SWT1: variants seen among roughly 807,000 people sequenced by gnomAD.
SWT1 encodes SWT1 RNA endoribonuclease homolog, also known as transcriptional protein SWT1.
Under a neutral mutation model 107.3 loss-of-function variants are expected in SWT1, and 33 were observed. That is an observed-to-expected ratio of 0.31 (90% CI 0.23 to 0.41). SWT1 has a LOEUF of 0.41. Ranked by LOEUF, SWT1 falls within the 10% of genes least tolerant of loss-of-function variation. The pLI, the probability that SWT1 is intolerant of heterozygous loss-of-function variation, is 1.00. For synonymous variants in SWT1, 345 were observed against 348.3 expected, an observed-to-expected ratio of 0.99 and a Z score of 0.11; for missense variants, 898 against 1,028.9, an observed-to-expected ratio of 0.87 and a Z score of 1.74.
intron 1 of SWT1, among the ~76,000 whole-genome samples, chr1:185,159,850 G>A (rs1454874068): frequency 1.3e-5 from 2 of 151,966 alleles, no homozygotes; most frequent in Non-Finnish European, 2.9e-5. Context: ...TCAGCCTCCT[G>A]AGTAGCTGGG....
intron 13 of SWT1, 110 bp from the exon 14 acceptor site, chr1:185,214,397 A>G: frequency 1.3e-6 from 1 of 777,796 alleles, no homozygotes; most frequent in Non-Finnish European, 2.0e-6. Context: ...GCATATAGGT[A>G]TAAATGTATA....
intron 16 of SWT1, among the ~76,000 whole-genome samples, chr1:185,239,679 TA>T: frequency 6.6e-6 from 1 of 152,180 alleles, no homozygotes; most frequent in East Asian, 1.9e-4. Flanking sequence ...ATCTAACCAC[TA>T]GATAGCCAAG....
intron 16 of SWT1, among the ~76,000 whole-genome samples, chr1:185,252,689 G>C (rs908013137): frequency 7.2e-5 from 11 of 152,132 alleles, no homozygotes; most frequent in African/African-American, 2.2e-4. Flanking sequence ...TTAGCCCTTT[G>C]TCAGATGAGT....
chr1:185,197,267 A>T (rs1657475501), intron 10 of SWT1, among the ~76,000 whole-genome samples: 1 of 152,172 alleles, frequency 6.6e-6, no homozygotes, highest in African/African-American at 2.4e-5. Flanking sequence ...GATTACATTG[A>T]TTGATTTGCA....
Position 185,174,471 on chromosome 1 carries a change from T to C in SWT1, c.324T>C (p.Asn108=). The C allele has an allele frequency of 1.9e-6, 3 of 1,610,456 alleles. No individual in the cohort carries two copies. The highest frequency in any genetic ancestry group is 2.5e-6 in the Non-Finnish European group (3 of 1,179,048). The stretch of plus-strand genomic sequence containing the variant: ...AAGAAGCATCATATTCAAATGATAA[T>C]CAAATTATTTTGCAGAGTCCTTCTT... ...KLKEASYSND[N]QIILQSPSSN... Residue 108 remains asparagine, a synonymous_variant, in exon 5 of 19, where the codon AAT becomes AAC. Transcript: ENST00000367500.
intron 9 of SWT1, among the ~76,000 whole-genome samples, chr1:185,187,832 G>A (rs144152953): frequency 0.011 from 1,740 of 152,170 alleles, 14 homozygotes; most frequent in Non-Finnish European, 0.017. Flanking sequence ...GGGATTACAG[G>A]CATGTGCCAC....
chr1:185,192,955 T>C (rs561918121), intron 10 of SWT1, among the ~76,000 whole-genome samples: 2 of 152,238 alleles, frequency 1.3e-5, no homozygotes, highest in East Asian at 3.9e-4. Flanking sequence ...GCCCAGAAAG[T>C]ACTCTCTTGC....
rs201977170 is a variant in SWT1, at chr1:185,204,912, G to A, written c.1833+49G>A. 50 of 1,123,442 alleles carry A rather than the reference G, an allele frequency of 4.5e-5. 1 individual carries two copies. The East Asian group carries it at 1.4e-3, about 30-fold the overall frequency. The allele number at this position is 1,123,442 out of a possible 1,614,324, so 69.6% of individuals were successfully genotyped here. A position where few individuals can be genotyped will look rare whatever the true frequency, so the allele number is the denominator to read the frequency against. Reference sequence around the variant, plus strand: ...TGAAAATTTCTTTTTTATTGCTGAAGATTTGTTATCTTAAGAAATATTACT... The same window carrying A: ...TGAAAATTTCTTTTTTATTGCTGAAAATTTGTTATCTTAAGAAATATTACT... On this transcript the variant is annotated intron_variant, in intron 12 of 18. Coordinates refer to ENST00000367500, the MANE Select transcript of SWT1 (RefSeq NM_017673.7).
chr1:185,185,856 T>C (rs904897804), intron 9 of SWT1, among the ~76,000 whole-genome samples: 1 of 152,198 alleles, frequency 6.6e-6, no homozygotes, highest in Non-Finnish European at 1.5e-5. Context: ...TAGTTCTTAG[T>C]ATATTCCAGA....
intron 14 of SWT1, among the ~76,000 whole-genome samples, chr1:185,220,675 T>TA (rs1659587108): frequency 1.3e-5 from 2 of 152,152 alleles, no homozygotes; most frequent in Non-Finnish European, 2.9e-5. Context: ...AACATATACC[T>TA]AAAAAACAAA....
intron 16 of SWT1, among the ~76,000 whole-genome samples, chr1:185,235,726 T>G (rs1178913070): frequency 6.6e-6 from 1 of 152,054 alleles, no homozygotes; most frequent in African/African-American, 2.4e-5. Flanking sequence ...GAGAAAGAAA[T>G]AAAGGGTATT....
At chr1:185,226,080 C>T (rs928263067) in intron 15 of SWT1, among the ~76,000 whole-genome samples, 2 of 151,930 alleles carry the variant, frequency 1.3e-5, no homozygotes, top group African/African-American at 4.8e-5. Flanking sequence ...CAGAAAGTTA[C>T]CATATATCCC....
intron 16 of SWT1, among the ~76,000 whole-genome samples, chr1:185,233,480 C>T (rs1319180038): frequency 1.3e-5 from 2 of 152,128 alleles, no homozygotes; most frequent in South Asian, 2.1e-4. Flanking sequence ...AAATGTGTCC[C>T]AGAGATTCTG....
At chr1:185,180,278 C>T (rs1022491574) in intron 5 of SWT1, 113 bp from the exon 6 acceptor site, 22 of 808,710 alleles carry the variant, frequency 2.7e-5, no homozygotes, top group African/African-American at 2.5e-4. Flanking sequence ...CTGCAATATA[C>T]AGGGCAACCC....
At chr1:185,174,317 A>C (rs1655348898) in intron 4 of SWT1, 55 bp from the exon 5 acceptor site, 3 of 1,338,962 alleles carry the variant, frequency 2.2e-6, no homozygotes, top group Admixed American at 2.8e-5. Flanking sequence ...AAAATGATAG[A>C]GTGCAACATT....
At chr1:185,177,773 A>C (rs1387962654) in intron 5 of SWT1, among the ~76,000 whole-genome samples, 3 of 152,206 alleles carry the variant, frequency 2.0e-5, no homozygotes, top group Admixed American at 2.0e-4. Flanking sequence ...TCTTTGATAT[A>C]GACCCCTCTC....
intron 18 of SWT1, among the ~76,000 whole-genome samples, chr1:185,287,934 T>G (rs1665038257): frequency 6.6e-6 from 1 of 152,128 alleles, no homozygotes; most frequent in Non-Finnish European, 1.5e-5. Flanking sequence ...GCTCATTTCT[T>G]AATTACAAGG....
At chr1:185,262,671 T>C (rs905327109) in intron 16 of SWT1, among the ~76,000 whole-genome samples, 5 of 152,158 alleles carry the variant, frequency 3.3e-5, no homozygotes, top group African/African-American at 4.8e-5. Flanking sequence ...GCTGGCAGGG[T>C]TGGTTTCCTC....
intron 16 of SWT1, among the ~76,000 whole-genome samples, chr1:185,250,921 C>T (rs1661966020): frequency 1.3e-5 from 2 of 152,162 alleles, no homozygotes. Context: ...CCTCGGCCTC[C>T]CAAAGTGCTG....
Sources: gnomAD v4.1 joint callset for allele counts (sites outside exome capture counted in the v4.1 genomes callset) on GRCh38, gnomAD v4.1.1 for gene constraint, MANE v1.5 for transcripts, NCBI Gene and HGNC (gene_info 2026-07-23, HGNC 2026-07-21) for gene names.